The following CACNA1I variants were observed in gnomAD, a reference collection of about 807,000 sequenced individuals.
The protein encoded by CACNA1I is calcium voltage-gated channel subunit alpha1 I.
Under a neutral mutation model 201.6 loss-of-function variants are expected in CACNA1I, and 74 were observed. The ratio of observed to expected loss-of-function variants is 0.37; its 90% CI spans 0.30 to 0.45. CACNA1I has a LOEUF of 0.45. CACNA1I is among the 20% of genes least tolerant of loss of function. CACNA1I has a pLI of 1.00. For missense variants in CACNA1I, 2,346 were observed against 3,138.1 expected (o/e 0.75, Z 6.03); for synonymous variants, 1,431 against 1,345.2 (o/e 1.06, Z -1.40).
At position 39,666,120 on chromosome 22, in the gene CACNA1I, C is replaced by A; in HGVS notation, c.4104+114C>A. ...CTGCCAGGACTGACACTGACTTCTC[C>A]TCTCCAAGCCTCAGTTTCCTCTTCT... On this transcript the variant is annotated intron_variant, in intron 23 of 36. Coordinates refer to ENST00000402142, the MANE Select transcript of CACNA1I (RefSeq NM_021096.4). The surrounding 1 kb of genome is among the most constrained non-coding windows in gnomAD (Gnocchi z 4.1). 7.7e-7 allele frequency: 1 copy of A among 1,305,378 alleles called. No individual in the cohort carries two copies. The highest frequency in any genetic ancestry group is 1.4e-5 in the South Asian group (1 of 71,940). 80.9% of individuals were successfully genotyped at this position (1,305,378 alleles called of 1,614,324 possible).
rs1935952148 is a variant in CACNA1I at position 39,688,609 on chromosome 22, GA to G, written c.*2205del. On this transcript the variant is annotated 3_prime_UTR_variant, in exon 37 of 37. Coordinates refer to ENST00000402142, the MANE Select transcript of CACNA1I (RefSeq NM_021096.4). The surrounding 1 kb of genome is among the most constrained non-coding windows in gnomAD (Gnocchi z 4.8). ...GTTGGGCTTCAAGTTAACAGGATCAGACACCAGTCAAGCAGCCTCAGGTCAT... is the reference window on the plus strand; with the variant it reads ...GTTGGGCTTCAAGTTAACAGGATCAGCACCAGTCAAGCAGCCTCAGGTCAT... The G allele has an allele frequency of 6.6e-6, 1 of 152,260 alleles. No individual in the cohort carries two copies. Among genetic ancestry groups the G allele is most frequent in the African/African-American group, 2.4e-5 (1 of 41,444 alleles). 9.4% of individuals were successfully genotyped at this position (152,260 alleles called of 1,614,324 possible).
In CACNA1I at chr22:39,578,043, C is replaced by T. The variant is rs568240609; in HGVS notation, c.236+7055C>T. ...GTGTACACTGGAGCTGACGGAGTCG[C>T]TGACAGGGTCCTGAGCCTGCAATGG... On this transcript the variant is annotated intron_variant, in intron 1 of 36. Coordinates refer to ENST00000402142, the MANE Select transcript of CACNA1I (RefSeq NM_021096.4). 2.0e-5 allele frequency among the ~76,000 whole-genome samples: 3 copies of T among 152,220 alleles called. No individual in the cohort carries two copies. In the South Asian group the frequency reaches 6.2e-4, roughly 32 times the overall value.
At chr22:39,581,592 C>A (rs1932550563) in intron 1 of CACNA1I, among the ~76,000 whole-genome samples, 1 of 152,142 alleles carries the variant, frequency 6.6e-6, no homozygotes, top group Non-Finnish European at 1.5e-5. Context: ...TGAAGGAGAA[C>A]TAGAAAGCAA....
intron 1 of CACNA1I, among the ~76,000 whole-genome samples, chr22:39,579,351 GC>G (rs1293850063): frequency 6.6e-6 from 1 of 152,230 alleles, no homozygotes; most frequent in African/African-American, 2.4e-5. Context: ...CATCAGCAAA[GC>G]CAGAGAAGGC....
intron 25 of CACNA1I, among the ~76,000 whole-genome samples, chr22:39,670,478 T>C (rs1489005208): frequency 6.6e-6 from 1 of 152,174 alleles, no homozygotes; most frequent in African/African-American, 2.4e-5. Flanking sequence ...AGCCCAGGCA[T>C]AGGGCAAAGG....
Position 39,685,839 on chromosome 22 carries a change from C to T in CACNA1I, c.6106C>T (p.Leu2036=). ...CCTGCAGACCACGCTCGAGGACAGC[C>T]TGACCCTGAGCGACAGCCCCCGGCG... ...GSLQTTLEDS[L]TLSDSPRRAL... The change falls in exon 37 of 37, where the codon CTG becomes TTG. Residue 2036 remains leucine (L), a synonymous_variant. Transcript: ENST00000402142. The surrounding 1 kb of genome is among the most constrained non-coding windows in gnomAD (Gnocchi z 5.0). The T allele has an allele frequency of 6.7e-7, 1 of 1,487,816 alleles. No homozygotes were observed. The highest frequency in any genetic ancestry group is 8.9e-7 in the Non-Finnish European group (1 of 1,127,268). The allele number at this position is 1,487,816 out of a possible 1,614,324, so 92.2% of individuals were successfully genotyped here.
chr22:39,681,065 G>A lies in CACNA1I; in HGVS notation c.5664+13G>A, dbSNP rs1371818448. 1.2e-5 allele frequency: 19 copies of A among 1,604,796 alleles called. No individual in the cohort carries two copies. The highest frequency in any genetic ancestry group is 1.4e-5 in the Non-Finnish European group (17 of 1,177,276). ...CAAAGACAGCAAGGTCAGCTCCCCT[G>A]GGGACTCCTGAGCAGGCGGGTCTGT... On this transcript the variant is annotated intron_variant, in intron 34 of 36. Coordinates refer to ENST00000402142, the MANE Select transcript of CACNA1I (RefSeq NM_021096.4).
chr22:39,635,395 A>G (rs1425500367), intron 5 of CACNA1I, among the ~76,000 whole-genome samples: 1 of 152,100 alleles, frequency 6.6e-6, no homozygotes, highest in African/African-American at 2.4e-5. Context: ...AGCCGATCCC[A>G]AACACCTCTA....
intron 10 of CACNA1I, chr22:39,656,662 G>GAATGAATA (rs1934833342): frequency 1.9e-6 from 1 of 517,146 alleles, no homozygotes; most frequent in African/African-American, 2.0e-5. Flanking sequence ...ATGAATGAAT[G>GAATGAATA]AATGAATGAA....
chr22:39,595,953 T>A (rs1005805829), intron 1 of CACNA1I, among the ~76,000 whole-genome samples: 10 of 148,310 alleles, frequency 6.7e-5, no homozygotes, highest in African/African-American at 2.5e-4. Context: ...GTGCGGCAGC[T>A]GGGGGTGATG....
chr22:39,631,525 T>TG lies in CACNA1I; in HGVS notation c.581-3035dup, dbSNP rs1193632277. ...GAGGCAGGAGGGCTTCGTGACTAAC[T>TG]GGGGGTGAGAATCAGGGAGGACTGC... On this transcript the variant is annotated intron_variant, in intron 4 of 36. Transcript: ENST00000402142. Among the ~76,000 whole-genome samples the TG allele has an allele frequency of 4.6e-5, 7 of 152,148 alleles. No homozygotes were observed. The Middle Eastern group carries it at 0.014, about 296-fold the overall frequency.
At chr22:39,638,812 G>A (rs748498572) in intron 5 of CACNA1I, among the ~76,000 whole-genome samples, 4 of 152,168 alleles carry the variant, frequency 2.6e-5, no homozygotes, top group Non-Finnish European at 5.9e-5. Context: ...CAAGGGGATG[G>A]TTTTGGGATG....
At chr22:39,661,412 C>G (rs1428009514) in intron 16 of CACNA1I, 102 bp downstream of exon 16, 3 of 937,730 alleles carry the variant, frequency 3.2e-6, no homozygotes, top group Non-Finnish European at 4.6e-6. Flanking sequence ...GACTCTGGTG[C>G]CCAGCCAAAG....
chr22:39,594,102 G>A (rs1932852821), intron 1 of CACNA1I, among the ~76,000 whole-genome samples: 1 of 152,182 alleles, frequency 6.6e-6, no homozygotes, highest in African/African-American at 2.4e-5. Flanking sequence ...CGCTGGCCTT[G>A]GAGTCCAGCA....
rs187369809 is a variant in CACNA1I at position 39,640,820 on chromosome 22, G to A, written c.741-47G>A. 3.3e-6 allele frequency: 5 copies of A among 1,493,140 alleles called. No individual in the cohort carries two copies. The Admixed American group carries it at 5.8e-5, about 17-fold the overall frequency. The allele number at this position is 1,493,140 out of a possible 1,614,324, so 92.5% of individuals were successfully genotyped here. A position where few individuals can be genotyped will look rare whatever the true frequency, so the allele number is the denominator to read the frequency against. ...CTCTCCCTTCCTGATCCTCCTGACA[G>A]TGACCCCTCCCCTTTCCCTCTTTTA... On this transcript the variant is annotated intron_variant, in intron 5 of 36. Coordinates refer to ENST00000402142, the MANE Select transcript of CACNA1I (RefSeq NM_021096.4).
chr22:39,598,926 C>T (rs1324637213), intron 2 of CACNA1I, among the ~76,000 whole-genome samples: 1 of 134,930 alleles, frequency 7.4e-6, no homozygotes, highest in Non-Finnish European at 1.6e-5. Flanking sequence ...GGAGGCATTG[C>T]TTTCTGCCTC....
At position 39,665,966 on chromosome 22, in the gene CACNA1I, G is replaced by T. The variant is rs762817136; in HGVS notation, c.4064G>T (p.Arg1355Leu). 1.2e-6 allele frequency: 2 copies of T among 1,613,766 alleles called. No homozygotes were observed. The highest frequency in any genetic ancestry group is 8.5e-7 in the Non-Finnish European group (1 of 1,179,872). ...TCGGACTGCATGGCCGCCAACTACC[G>T]CTGGGTCCATCACAAATACAACTTC... ...NRSDCMAANY[R>L]WVHHKYNFDN... is the part of the protein sequence containing the mutation. The change falls in exon 23 of 37, where the codon CGC becomes CTC. Residue 1355 changes from arginine (R) to leucine (L), a missense_variant. Arg to Leu is a moderately radical substitution (Grantham distance 102). Coordinates refer to ENST00000402142, the MANE Select transcript of CACNA1I (RefSeq NM_021096.4). The surrounding 1 kb of genome is among the most constrained non-coding windows in gnomAD (Gnocchi z 5.5).
chr22:39,677,049 G>A lies in CACNA1I; in HGVS notation c.4855-292G>A, dbSNP rs569327610. Among the ~76,000 whole-genome samples the A allele has an allele frequency of 1.8e-4, 27 of 152,338 alleles. No homozygotes were observed. In the Middle Eastern group the frequency reaches 0.014, roughly 77 times the overall value. On this transcript the variant is annotated intron_variant, in intron 29 of 36. Transcript: ENST00000402142. The surrounding 1 kb of genome is among the most constrained non-coding windows in gnomAD (Gnocchi z 4.8). ...GAAGAATGGGGATAAAAGATAGTTC[G>A]TGGATTATTGTGAGGAGGAAGTGAG...
At chr22:39,657,077 G>T (rs182561906) in intron 10 of CACNA1I, among the ~76,000 whole-genome samples, 1 of 152,140 alleles carries the variant, frequency 6.6e-6, no homozygotes, top group Non-Finnish European at 1.5e-5. Flanking sequence ...TCCAGAGGAG[G>T]GGGGAAGCAA....
Sources: allele counts gnomAD v4.1 joint callset (sites outside exome capture counted in the v4.1 genomes callset), GRCh38; gene constraint gnomAD v4.1.1; non-coding constraint Gnocchi (gnomAD v3.1); transcripts MANE v1.5; gene names NCBI Gene and HGNC (gene_info 2026-07-23, HGNC 2026-07-21).